Variants in CPQ observed in about 807,000 individuals in gnomAD.
CPQ encodes the protein carboxypeptidase Q, also known as Ser-Met dipeptidase.
In CPQ, 37 loss-of-function variants were observed where a neutral mutation model predicts 45.7. The observed-to-expected ratio is 0.81, with a 90% CI of 0.62 to 1.07. The LOEUF is 1.07. Ranked by LOEUF, CPQ falls within the 50% of genes least tolerant of loss-of-function variation. CPQ has a pLI of 0.00. For synonymous variants in CPQ, 186 were observed against 205.8 expected, an observed-to-expected ratio of 0.90 and a Z score of 0.82; for missense variants, 537 against 572.9, an observed-to-expected ratio of 0.94 and a Z score of 0.64.
Position 96,877,010 on chromosome 8 carries a change from A to C in CPQ, c.642-2788A>C, listed in dbSNP as rs140823199. 4.0e-3 allele frequency among the ~76,000 whole-genome samples: 610 copies of C among 152,210 alleles called. 3 individuals carry two copies. Among genetic ancestry groups the C allele is most frequent in the African/African-American group, 0.014 (574 of 41,546 alleles). On this transcript the variant is annotated intron_variant, in intron 3 of 7. Coordinates refer to ENST00000220763, the MANE Select transcript of CPQ (RefSeq NM_016134.4). ...TAAGAATTTATAGAGGATTGTTATTAATCTTTAAATCTTATTTAGATTAGT... is the reference window on the plus strand; with the variant it reads ...TAAGAATTTATAGAGGATTGTTATTCATCTTTAAATCTTATTTAGATTAGT...
intron 7 of CPQ, among the ~76,000 whole-genome samples, chr8:97,099,115 C>CTCTTT (rs1554589610): frequency 6.8e-4 from 45 of 66,320 alleles, no homozygotes; most frequent in African/African-American, 9.9e-4. Flanking sequence ...CCTTCTCTCT[C>CTCTTT]TTTTTTTTTT....
At chr8:96,864,843 G>A (rs374300125) in intron 3 of CPQ, among the ~76,000 whole-genome samples, 2 of 152,106 alleles carry the variant, frequency 1.3e-5, no homozygotes, top group Middle Eastern at 3.4e-3. Flanking sequence ...GAGGAGAGGA[G>A]TGAGAGTATG....
At chr8:97,076,015 GTTGTTTGT>G (rs749971200) in intron 7 of CPQ, among the ~76,000 whole-genome samples, 3 of 151,824 alleles carry the variant, frequency 2.0e-5, no homozygotes, top group African/African-American at 7.3e-5. Flanking sequence ...TTTTGTTTTT[GTTGTTTGT>G]TTGTTTGTTT....
intron 3 of CPQ, among the ~76,000 whole-genome samples, chr8:96,870,808 G>T (rs1158275657): frequency 6.6e-6 from 1 of 151,980 alleles, no homozygotes; most frequent in Non-Finnish European, 1.5e-5. Flanking sequence ...ACAGAATGGT[G>T]TATGCTTTAG....
chr8:96,694,337 TA>T (rs550813171), intron 1 of CPQ, among the ~76,000 whole-genome samples: 294 of 142,890 alleles, frequency 2.1e-3, no homozygotes, highest in African/African-American at 1.9e-3. Flanking sequence ...CTGAATGGTT[TA>T]AAAAAAAAAA....
At position 97,048,101 on chromosome 8, in the gene CPQ, T is replaced by A. The variant is rs1336167792; in HGVS notation, c.1054-17908T>A. On this transcript the variant is annotated intron_variant, in intron 6 of 7. Transcript: ENST00000220763. ...AGAATGGACCCCTACCTGTGCTATA[T>A]TTAAAGATCTCCAAGGATAGAGATT... 2.6e-5 allele frequency among the ~76,000 whole-genome samples: 4 copies of A among 152,342 alleles called. No individual in the cohort carries two copies. In the South Asian group the frequency reaches 8.3e-4, roughly 32 times the overall value.
chr8:97,069,585 G>A (rs1190261250), intron 7 of CPQ, among the ~76,000 whole-genome samples: 1 of 151,938 alleles, frequency 6.6e-6, no homozygotes, highest in Non-Finnish European at 1.5e-5. Context: ...TATCAGTTGT[G>A]TACCCTATAT....
chr8:96,946,676 T>A (rs1322245219), intron 4 of CPQ, among the ~76,000 whole-genome samples: 1 of 148,680 alleles, frequency 6.7e-6, no homozygotes, highest in African/African-American at 2.5e-5. Flanking sequence ...GTATTTCTGG[T>A]ACCTCAAGAT....
At chr8:96,735,225 C>T (rs2130773504) in intron 1 of CPQ, among the ~76,000 whole-genome samples, 1 of 152,338 alleles carries the variant, frequency 6.6e-6, no homozygotes, top group Admixed American at 6.5e-5. Flanking sequence ...AGAACCAAAT[C>T]TCCCTTGTTT....
Position 97,065,962 on chromosome 8 carries a change from G to A in CPQ, c.1054-47G>A, listed in dbSNP as rs1191082239. ...TTGTTTGATAGTTCCCAAGGAGAAA[G>A]CACTGAAGCAACAGATAAGAACCAA... On this transcript the variant is annotated intron_variant, in intron 6 of 7. Transcript: ENST00000220763. The A allele has an allele frequency of 6.4e-6, 10 of 1,563,390 alleles. 1 individual carries two copies. The Admixed American group carries it at 1.7e-4, about 27-fold the overall frequency.
At chr8:96,725,557 T>C (rs1809825238) in intron 1 of CPQ, among the ~76,000 whole-genome samples, 1 of 152,150 alleles carries the variant, frequency 6.6e-6, no homozygotes. Context: ...CTAGTCAGAA[T>C]TGCCATTATT....
chr8:97,076,157 G>A (rs1213797943), intron 7 of CPQ, among the ~76,000 whole-genome samples: 4 of 151,616 alleles, frequency 2.6e-5, no homozygotes, highest in Non-Finnish European at 2.9e-5. Context: ...TCCTGAGTAC[G>A]TGGGATTACA....
chr8:96,900,074 A>G (rs1210777801), intron 4 of CPQ, among the ~76,000 whole-genome samples: 2 of 152,180 alleles, frequency 1.3e-5, no homozygotes, highest in Non-Finnish European at 2.9e-5. Flanking sequence ...AAAACAGCCC[A>G]GTGAAATAGG....
intron 4 of CPQ, among the ~76,000 whole-genome samples, chr8:96,937,108 C>A (rs139860684): frequency 1.0e-3 from 153 of 152,112 alleles, no homozygotes; most frequent in African/African-American, 3.5e-3. Flanking sequence ...GTCTTGCCCT[C>A]AAAAAGCTTA....
chr8:97,090,391 T>C (rs757825795), intron 7 of CPQ, among the ~76,000 whole-genome samples: 3 of 152,236 alleles, frequency 2.0e-5, no homozygotes, highest in Admixed American at 6.5e-5. Flanking sequence ...AAAATACCAA[T>C]TGAAAACCTA....
intron 2 of CPQ, among the ~76,000 whole-genome samples, chr8:96,807,408 T>C (rs1811097455): frequency 6.6e-6 from 1 of 152,038 alleles, no homozygotes; most frequent in South Asian, 2.1e-4. Context: ...TGATTTTTTG[T>C]ATTTTTAGTA....
At chr8:97,130,363 C>T (rs989212351) in intron 7 of CPQ, among the ~76,000 whole-genome samples, 6 of 150,680 alleles carry the variant, frequency 4.0e-5, no homozygotes, top group African/African-American at 1.5e-4. Context: ...AATGATGAAA[C>T]AGCTAATGGC....
intron 1 of CPQ, among the ~76,000 whole-genome samples, 187 bp downstream of exon 1, chr8:96,645,589 C>A (rs903585361): frequency 6.6e-6 from 1 of 152,134 alleles, no homozygotes; most frequent in East Asian, 1.9e-4. Flanking sequence ...GGGTTGGGAG[C>A]CTGTGGCTGC....
intron 1 of CPQ, among the ~76,000 whole-genome samples, chr8:96,759,433 T>C (rs1243940060): frequency 1.2e-4 from 18 of 152,152 alleles, no homozygotes; most frequent in Admixed American, 1.2e-3. Context: ...GGGATGATTA[T>C]TATATATATT....
Sources: gnomAD v4.1 joint callset for allele counts (sites outside exome capture counted in the v4.1 genomes callset) on GRCh38, gnomAD v4.1.1 for gene constraint, MANE v1.5 for transcripts, NCBI Gene and HGNC (gene_info 2026-07-23, HGNC 2026-07-21) for gene names.